Variants in RBFOX1 observed in about 807,000 individuals in gnomAD.
RBFOX1 encodes the protein RNA binding fox-1 homolog 1, also known as RNA binding protein fox-1 homolog 1.
A neutral mutation model predicts 57.7 loss-of-function variants in RBFOX1; 8 were observed. The observed-to-expected ratio is 0.14, with a 90% CI of 0.08 to 0.25. The LOEUF (loss-of-function observed/expected upper bound fraction) is 0.25, where lower values mean the gene tolerates loss of function less well. RBFOX1 is among the 10% of genes least tolerant of loss of function. RBFOX1 has a pLI of 1.00. For synonymous variants in RBFOX1, 326 were observed against 222.4 expected, an observed-to-expected ratio of 1.47 and a Z score of -4.15; for missense variants, 611 against 548.5, an observed-to-expected ratio of 1.11 and a Z score of -1.14.
At chr16:5,477,799 C>A in intron 2 of RBFOX1, among the ~76,000 whole-genome samples, 1 of 152,072 alleles carries the variant, frequency 6.6e-6, no homozygotes, top group East Asian at 1.9e-4. Context: ...TTCGTACTTG[C>A]AAAATGACGT....
At chr16:6,955,960 C>G (rs1241897519) in intron 3 of RBFOX1, among the ~76,000 whole-genome samples, 1 of 151,070 alleles carries the variant, frequency 6.6e-6, no homozygotes, top group Non-Finnish European at 1.5e-5. Context: ...ACCACCTTGG[C>G]CTCCCGAAGT....
At chr16:5,464,596 C>G (rs758078910) in intron 1 of RBFOX1, among the ~76,000 whole-genome samples, 3 of 150,316 alleles carry the variant, frequency 2.0e-5, no homozygotes, top group Non-Finnish European at 4.4e-5. Context: ...TTTTTTGCAG[C>G]TCTCTCAGTA....
intron 3 of RBFOX1, among the ~76,000 whole-genome samples, chr16:5,743,341 C>G (rs1276655259): frequency 6.6e-6 from 1 of 152,100 alleles, no homozygotes; most frequent in Admixed American, 6.5e-5. Context: ...AATGTCATTA[C>G]AGGAAGTGTC....
chr16:6,155,467 T>A (rs1019362967), intron 1 of RBFOX1, among the ~76,000 whole-genome samples: 1 of 152,224 alleles, frequency 6.6e-6, no homozygotes, highest in African/African-American at 2.4e-5. Context: ...AAGGTAGATT[T>A]TCCCCCCGTT....
intron 2 of RBFOX1, among the ~76,000 whole-genome samples, chr16:6,382,609 C>G (rs1370414504): frequency 6.6e-6 from 1 of 152,130 alleles, no homozygotes; most frequent in Non-Finnish European, 1.5e-5. Context: ...CCTGTAATCC[C>G]AGAACTTTGG....
intron 4 of RBFOX1, among the ~76,000 whole-genome samples, chr16:7,492,964 C>T (rs367910597): frequency 1.4e-3 from 215 of 152,204 alleles, no homozygotes; most frequent in African/African-American, 4.5e-3. Context: ...CTGCAACCTC[C>T]GCCTCCCAGG....
At chr16:5,755,356 A>T (rs533111092) in intron 3 of RBFOX1, among the ~76,000 whole-genome samples, 2 of 152,270 alleles carry the variant, frequency 1.3e-5, no homozygotes, top group East Asian at 3.9e-4. Flanking sequence ...TTTCCCCACA[A>T]TTCTGGCAAC....
chr16:7,208,704 G>T (rs1364441912), intron 4 of RBFOX1, among the ~76,000 whole-genome samples: 2 of 152,120 alleles, frequency 1.3e-5, no homozygotes, highest in Admixed American at 1.3e-4. Flanking sequence ...GGGCATGATG[G>T]CATATACCTG....
intron 4 of RBFOX1, among the ~76,000 whole-genome samples, chr16:7,059,693 A>G (rs1386007693): frequency 6.6e-6 from 1 of 152,176 alleles, no homozygotes; most frequent in African/African-American, 2.4e-5. Flanking sequence ...TATAAAGCAT[A>G]TTGGCAGATG....
At chr16:6,590,160 A>G (rs1478332838) in intron 2 of RBFOX1, among the ~76,000 whole-genome samples, 1 of 152,202 alleles carries the variant, frequency 6.6e-6, no homozygotes, top group Non-Finnish European at 1.5e-5. Flanking sequence ...AGTATGGGGA[A>G]CTTCTAAGTT....
At position 5,839,168 on chromosome 16, in the gene RBFOX1, C is replaced by T. The variant is rs75882601; in HGVS notation, c.319-28135C>T. Reference sequence around the variant, plus strand: ...ATAACTAGAAGTAGATACAAATTATCGTACTCCAGAATTTATCCTTTGCAC... The same window carrying T: ...ATAACTAGAAGTAGATACAAATTATTGTACTCCAGAATTTATCCTTTGCAC... On this transcript the variant is annotated intron_variant, in intron 3 of 19. Coordinates refer to the RBFOX1 transcript ENST00000641259. Among the ~76,000 whole-genome samples, 1,128 of 152,274 alleles carry T rather than the reference C, an allele frequency of 7.4e-3. 11 individuals carry two copies. The highest frequency in any genetic ancestry group is 0.026 in the African/African-American group (1,079 of 41,552).
intron 1 of RBFOX1, among the ~76,000 whole-genome samples, chr16:6,125,920 A>G (rs1188668185): frequency 6.6e-6 from 1 of 152,182 alleles, no homozygotes; most frequent in African/African-American, 2.4e-5. Flanking sequence ...ATTTCCAGTT[A>G]AATACCTTTC....
chr16:5,844,053 A>G (rs1160932171), intron 3 of RBFOX1, among the ~76,000 whole-genome samples: 1 of 152,222 alleles, frequency 6.6e-6, no homozygotes, highest in African/African-American at 2.4e-5. Context: ...ATGGAACCCA[A>G]TTCCTGGGCT....
intron 1 of RBFOX1, among the ~76,000 whole-genome samples, chr16:6,160,312 A>G (rs2096868647): frequency 6.6e-6 from 1 of 152,100 alleles, no homozygotes; most frequent in African/African-American, 2.4e-5. Context: ...ATATTGTAGG[A>G]TATATATAGA....
intron 1 of RBFOX1, among the ~76,000 whole-genome samples, chr16:6,164,253 T>C (rs1353291893): frequency 6.6e-6 from 1 of 152,212 alleles, no homozygotes; most frequent in African/African-American, 2.4e-5. Flanking sequence ...CTTTGAATTA[T>C]ATGTAATGTC....
chr16:5,474,490 C>A (rs936473432), intron 2 of RBFOX1, among the ~76,000 whole-genome samples: 3 of 152,146 alleles, frequency 2.0e-5, no homozygotes, highest in African/African-American at 7.2e-5. Context: ...CCCGTCTCTA[C>A]TAAAAATACA....
intron 1 of RBFOX1, among the ~76,000 whole-genome samples, chr16:5,460,530 G>A (rs927005612): frequency 3.3e-5 from 5 of 152,166 alleles, no homozygotes; most frequent in African/African-American, 1.2e-4. Flanking sequence ...AAACACTTCT[G>A]TGCTACCCAC....
At chr16:7,145,794 T>G (rs954879828) in intron 4 of RBFOX1, among the ~76,000 whole-genome samples, 13 of 152,262 alleles carry the variant, frequency 8.5e-5, no homozygotes, top group South Asian at 2.1e-4. Flanking sequence ...TCCCTATACC[T>G]CTCTCTGTTT....
intron 3 of RBFOX1, among the ~76,000 whole-genome samples, chr16:6,673,856 T>A (rs951449467): frequency 6.6e-6 from 1 of 152,076 alleles, no homozygotes. Context: ...GAAAAGTAGT[T>A]ACAGATATTA....
Sources: allele counts gnomAD v4.1 joint callset (sites outside exome capture counted in the v4.1 genomes callset), GRCh38; gene constraint gnomAD v4.1.1; transcripts MANE v1.5; gene names NCBI Gene and HGNC (gene_info 2026-07-23, HGNC 2026-07-21).